GRID2: variants seen among roughly 807,000 people sequenced by gnomAD.
GRID2 encodes the protein glutamate receptor ionotropic, delta-2.
A neutral mutation model predicts 114.8 loss-of-function variants in GRID2; 33 were observed. That is an observed-to-expected ratio of 0.29 (90% CI 0.22 to 0.38). GRID2 has a LOEUF of 0.38. Ranked by LOEUF, GRID2 falls within the 10% of genes least tolerant of loss-of-function variation. GRID2 has a pLI of 1.00. For missense variants in GRID2, 1,184 were observed against 1,257.7 expected, an observed-to-expected ratio of 0.94 and a Z score of 0.89; for synonymous variants, 505 against 449.9, an observed-to-expected ratio of 1.12 and a Z score of -1.55.
intron 1 of GRID2, among the ~76,000 whole-genome samples, chr4:93,798,287 A>T (rs1156896468): frequency 6.6e-6 from 1 of 152,192 alleles, no homozygotes; most frequent in Non-Finnish European, 1.5e-5. Context: ...GTGTAGGATC[A>T]CAGTCTTTCC....
chr4:92,463,848 T>G (rs1721613059), intron 1 of GRID2, among the ~76,000 whole-genome samples: 2 of 152,066 alleles, frequency 1.3e-5, no homozygotes, highest in South Asian at 4.1e-4. Context: ...TTAGATTCAT[T>G]GATGTCTATG....
intron 1 of GRID2, among the ~76,000 whole-genome samples, chr4:92,405,738 T>C (rs1466721673): frequency 6.6e-6 from 1 of 151,806 alleles, no homozygotes; most frequent in African/African-American, 2.4e-5. Flanking sequence ...AATCAGCTTA[T>C]ACAACTATTT....
At chr4:93,507,960 A>G (rs1728788473) in intron 12 of GRID2, among the ~76,000 whole-genome samples, 1 of 152,094 alleles carries the variant, frequency 6.6e-6, no homozygotes, top group African/African-American at 2.4e-5. Flanking sequence ...ATGAACAATG[A>G]GAACACATGG....
chr4:93,695,582 T>A (rs1726950247), intron 14 of GRID2, among the ~76,000 whole-genome samples: 1 of 152,210 alleles, frequency 6.6e-6, no homozygotes, highest in Non-Finnish European at 1.5e-5. Context: ...TGCTCTATGG[T>A]CAGGATGATG....
intron 3 of GRID2, among the ~76,000 whole-genome samples, chr4:93,091,819 G>C (rs1730818157): frequency 6.6e-6 from 1 of 152,090 alleles, no homozygotes; most frequent in Non-Finnish European, 1.5e-5. Flanking sequence ...GAAACTCCAG[G>C]AGACTGAAAC....
rs368574407 is a variant in GRID2, at chr4:92,355,009, T to C, written c.88+50265T>C. Among the ~76,000 whole-genome samples, 26 of 152,114 alleles carry C rather than the reference T, an allele frequency of 1.7e-4. No homozygotes were observed. The East Asian group carries it at 3.1e-3, about 18-fold the overall frequency. ...TTTAAGATCTTTACATGCTGCCTTATTCTTGTCACTCAATAATCAATTCAG... is the reference window on the plus strand; with the variant it reads ...TTTAAGATCTTTACATGCTGCCTTACTCTTGTCACTCAATAATCAATTCAG... On this transcript the variant is annotated intron_variant, in intron 1 of 15. Coordinates refer to ENST00000282020, the MANE Select transcript of GRID2 (RefSeq NM_001510.4).
intron 4 of GRID2, among the ~76,000 whole-genome samples, chr4:93,199,303 C>A (rs1181854990): frequency 1.3e-5 from 2 of 152,154 alleles, no homozygotes; most frequent in East Asian, 1.9e-4. Flanking sequence ...GTACTGAAAT[C>A]ATGAATTTGC....
chr4:93,470,635 C>T (rs1724713173), intron 11 of GRID2, among the ~76,000 whole-genome samples: 1 of 152,030 alleles, frequency 6.6e-6, no homozygotes, highest in South Asian at 2.1e-4. Context: ...TGTGTATACG[C>T]ACACATATAT....
chr4:92,823,111 A>G (rs983141182), intron 2 of GRID2: 2 of 152,158 alleles, frequency 1.3e-5, no homozygotes, highest in African/African-American at 4.8e-5. Flanking sequence ...GTCTATGTGA[A>G]GGGCAATATT....
chr4:93,476,330 G>T (rs967557244), intron 11 of GRID2, among the ~76,000 whole-genome samples: 1 of 152,100 alleles, frequency 6.6e-6, no homozygotes, highest in East Asian at 1.9e-4. Context: ...ACACAGGGAT[G>T]ATATATAAAT....
chr4:93,087,749 CA>C (rs1321962352), intron 3 of GRID2, among the ~76,000 whole-genome samples: 18 of 152,108 alleles, frequency 1.2e-4, no homozygotes, highest in Admixed American at 1.0e-3. Context: ...ACATTATCTC[CA>C]GTAATGCCCT....
chr4:92,568,632 G>T (rs1340285769), intron 1 of GRID2, among the ~76,000 whole-genome samples: 1 of 151,924 alleles, frequency 6.6e-6, no homozygotes, highest in African/African-American at 2.4e-5. Context: ...AGGTAAACTT[G>T]TGTCATGAGG....
At chr4:92,795,619 AC>A (rs1362182328) in intron 2 of GRID2, among the ~76,000 whole-genome samples, 7 of 152,010 alleles carry the variant, frequency 4.6e-5, no homozygotes, top group African/African-American at 1.4e-4. Context: ...TCTATACCAT[AC>A]CAATCCTTCT....
At chr4:92,920,706 C>T (rs576792609) in intron 2 of GRID2, among the ~76,000 whole-genome samples, 277 of 152,288 alleles carry the variant, frequency 1.8e-3, no homozygotes, top group Non-Finnish European at 3.0e-3. Context: ...AGAGTTTCTG[C>T]GGAGAGATCA....
rs1734227792 is a variant in GRID2 at position 93,773,080 on chromosome 4, A to G, written c.*582A>G. On this transcript the variant is annotated 3_prime_UTR_variant, in exon 16 of 16. Coordinates refer to ENST00000282020, the MANE Select transcript of GRID2 (RefSeq NM_001510.4). Reference sequence around the variant, plus strand: ...AAAAAAGCCATTAATATGCCAGTCAAGACTACAGTTAAAACTACTCTTGCA... The same window carrying G: ...AAAAAAGCCATTAATATGCCAGTCAGGACTACAGTTAAAACTACTCTTGCA... 1 of 152,282 alleles carries G rather than the reference A, an allele frequency of 6.6e-6. No individual in the cohort carries two copies. The highest frequency in any genetic ancestry group is 6.5e-5 in the Admixed American group (1 of 15,276). 9.4% of individuals were successfully genotyped at this position (152,282 alleles called of 1,614,324 possible).
intron 14 of GRID2, among the ~76,000 whole-genome samples, chr4:93,683,681 C>G (rs1405293023): frequency 6.6e-6 from 1 of 152,064 alleles, no homozygotes; most frequent in African/African-American, 2.4e-5. Context: ...AGTTTTGTTA[C>G]AGTTCTCTTC....
chr4:92,393,059 G>A (rs1191800914), intron 1 of GRID2, among the ~76,000 whole-genome samples: 2 of 152,176 alleles, frequency 1.3e-5, no homozygotes, highest in Non-Finnish European at 2.9e-5. Context: ...TACTCATGGG[G>A]GAAGGTTAAG....
chr4:92,949,723 A>T (rs1158480010), intron 2 of GRID2, among the ~76,000 whole-genome samples: 1 of 151,872 alleles, frequency 6.6e-6, no homozygotes, highest in Non-Finnish European at 1.5e-5. Flanking sequence ...AGGAAGGTGT[A>T]AACTGTTTAG....
intron 2 of GRID2, among the ~76,000 whole-genome samples, chr4:92,952,428 G>A (rs1752104285): frequency 6.6e-6 from 1 of 152,122 alleles, no homozygotes; most frequent in South Asian, 2.1e-4. Flanking sequence ...CAGAAATTAT[G>A]ATCAAAACAT....
Sources: gnomAD v4.1 joint callset for allele counts (sites outside exome capture counted in the v4.1 genomes callset) on GRCh38, gnomAD v4.1.1 for gene constraint, MANE v1.5 for transcripts, NCBI Gene and HGNC (gene_info 2026-07-23, HGNC 2026-07-21) for gene names.